The following GRM5 variants were observed in gnomAD, a reference collection of about 807,000 sequenced individuals.
The protein encoded by GRM5 is glutamate metabotropic receptor 5.
A neutral mutation model predicts 83.1 loss-of-function variants in GRM5; 19 were observed. The ratio of observed to expected loss-of-function variants is 0.23; its 90% CI spans 0.16 to 0.34. GRM5 has a LOEUF of 0.34. Ranked by LOEUF, GRM5 falls within the 10% of genes least tolerant of loss-of-function variation. The probability of loss-of-function intolerance (pLI) is 1.00; values close to 1 mark genes in which losing one functional copy is unlikely to be tolerated. For missense variants in GRM5, 1,160 were observed against 1,588.3 expected, an observed-to-expected ratio of 0.73 and a Z score of 4.58; for synonymous variants, 675 against 633.6, an observed-to-expected ratio of 1.07 and a Z score of -0.98.
intron 2 of GRM5, among the ~76,000 whole-genome samples, chr11:88,873,958 A>G (rs1258391742): frequency 6.6e-6 from 1 of 151,726 alleles, no homozygotes; most frequent in Non-Finnish European, 1.5e-5. Context: ...CCCCTAACAA[A>G]TTAGAAAACC....
chr11:88,807,756 T>C (rs569255051), intron 3 of GRM5, among the ~76,000 whole-genome samples: 2 of 151,988 alleles, frequency 1.3e-5, no homozygotes, highest in African/African-American at 4.8e-5. Context: ...TATAAACTAC[T>C]TTTTTTTAGG....
chr11:88,603,476 T>C (rs1016791568), intron 5 of GRM5, among the ~76,000 whole-genome samples: 1 of 151,984 alleles, frequency 6.6e-6, no homozygotes, highest in Non-Finnish European at 1.5e-5. Flanking sequence ...CCTTAAAAGA[T>C]TTACAACTGT....
At chr11:89,012,797 A>G (rs182434585) in intron 2 of GRM5, among the ~76,000 whole-genome samples, 1 of 152,348 alleles carries the variant, frequency 6.6e-6, no homozygotes. Context: ...AGAGCAAGAA[A>G]GCAATGCTAA....
At chr11:88,793,684 A>G (rs1474634001) in intron 3 of GRM5, among the ~76,000 whole-genome samples, 1 of 152,182 alleles carries the variant, frequency 6.6e-6, no homozygotes, top group African/African-American at 2.4e-5. Context: ...CCAGAACTAT[A>G]ATAGTTTCAG....
intron 8 of GRM5, among the ~76,000 whole-genome samples, chr11:88,536,377 T>C (rs1443669692): frequency 6.6e-6 from 1 of 152,238 alleles, no homozygotes; most frequent in East Asian, 1.9e-4. Flanking sequence ...AACTCAGTGA[T>C]GATTTAGGAG....
chr11:88,925,724 C>G (rs535846057), intron 2 of GRM5: 1 of 453,306 alleles, frequency 2.2e-6, no homozygotes, highest in Admixed American at 2.4e-5. Context: ...CCAGCCTGGC[C>G]AAGATGACAA....
intron 4 of GRM5, among the ~76,000 whole-genome samples, chr11:88,643,474 T>C (rs1354708714): frequency 6.6e-6 from 1 of 152,156 alleles, no homozygotes; most frequent in East Asian, 1.9e-4. Context: ...CTGTGCAGCA[T>C]TCCTTCCTCT....
At chr11:88,577,341 G>C (rs995862803) in intron 7 of GRM5, among the ~76,000 whole-genome samples, 5 of 152,078 alleles carry the variant, frequency 3.3e-5, no homozygotes, top group African/African-American at 1.2e-4. Context: ...GAAAATATGG[G>C]GACAAAGTGC....
chr11:88,771,294 A>G (rs1011981936), intron 3 of GRM5, among the ~76,000 whole-genome samples: 1 of 152,072 alleles, frequency 6.6e-6, no homozygotes, highest in Non-Finnish European at 1.5e-5. Flanking sequence ...AAAGTCCCAC[A>G]ATAGGCCATA....
chr11:89,016,644 G>A (rs756213777), intron 2 of GRM5, among the ~76,000 whole-genome samples: 1 of 152,066 alleles, frequency 6.6e-6, no homozygotes, highest in African/African-American at 2.4e-5. Context: ...TTTTCTTATT[G>A]TCAATTAGCA....
At chr11:89,029,666 A>AT (rs767963275) in intron 2 of GRM5, among the ~76,000 whole-genome samples, 2 of 152,192 alleles carry the variant, frequency 1.3e-5, no homozygotes, top group Non-Finnish European at 2.9e-5. Context: ...TTCCAGATGC[A>AT]TCCCTAATGA....
At chr11:88,670,062 G>T (rs894505933) in intron 3 of GRM5, among the ~76,000 whole-genome samples, 8 of 151,970 alleles carry the variant, frequency 5.3e-5, no homozygotes, top group Admixed American at 2.0e-4. Context: ...GACATAATTT[G>T]TTGAAATTAT....
At chr11:88,718,035 A>G (rs1320105523) in intron 3 of GRM5, among the ~76,000 whole-genome samples, 1 of 151,886 alleles carries the variant, frequency 6.6e-6, no homozygotes, top group Non-Finnish European at 1.5e-5. Flanking sequence ...GGCTCATCAT[A>G]GAAAATATTT....
chr11:88,626,079 G>A (rs1175123705), intron 4 of GRM5, among the ~76,000 whole-genome samples: 1 of 152,040 alleles, frequency 6.6e-6, no homozygotes, highest in Non-Finnish European at 1.5e-5. Flanking sequence ...TTCTTGGCCA[G>A]TATTTCCAAA....
intron 2 of GRM5, among the ~76,000 whole-genome samples, chr11:89,045,970 A>T (rs1024764570): frequency 6.6e-6 from 1 of 152,112 alleles, no homozygotes; most frequent in Non-Finnish European, 1.5e-5. Flanking sequence ...CCATAACCAC[A>T]GAGGAGGAGG....
intron 3 of GRM5, among the ~76,000 whole-genome samples, chr11:88,766,154 G>A (rs12785875): frequency 0.21 from 32,338 of 151,768 alleles, 4,296 homozygotes; most frequent in Non-Finnish European, 0.3. Flanking sequence ...AGATTAAAAT[G>A]TCATTCCTAT....
chr11:88,802,770 G>A (rs1040997813), intron 3 of GRM5, among the ~76,000 whole-genome samples: 2 of 149,866 alleles, frequency 1.3e-5, no homozygotes, highest in African/African-American at 2.5e-5. Context: ...TGACATGATT[G>A]TATATCTAGA....
At position 88,961,397 on chromosome 11, in the gene GRM5, C is replaced by G. The variant is rs191661613; in HGVS notation, c.661+85815G>C. Among the ~76,000 whole-genome samples the G allele has an allele frequency of 6.2e-3, 946 of 151,370 alleles. 7 individuals carry two copies. The highest frequency in any genetic ancestry group is 0.019 in the East Asian group (98 of 5,136). On this transcript the variant is annotated intron_variant, in intron 2 of 9. Transcript: ENST00000305447. ...TTTTTGCTTGTTTTAAAAACACTGG[C>G]GAACCCAAAGAGACACAGCAGCCAA...
intron 2 of GRM5, among the ~76,000 whole-genome samples, chr11:88,988,956 T>C (rs1394102325): frequency 0.017 from 2,437 of 145,356 alleles, 60 homozygotes; most frequent in African/African-American, 0.06. Context: ...CATCAACTAA[T>C]GAGCAAAATA....
Sources: gnomAD v4.1 joint callset for allele counts (sites outside exome capture counted in the v4.1 genomes callset) on GRCh38, gnomAD v4.1.1 for gene constraint, MANE v1.5 for transcripts, NCBI Gene and HGNC (gene_info 2026-07-23, HGNC 2026-07-21) for gene names.